Variants in TTN observed in about 807,000 individuals in gnomAD.
TTN encodes the protein titin, also known as connectin.
TTN carries 1,525 observed loss-of-function variants against 3,223.0 expected under a neutral mutation model. That is an observed-to-expected ratio of 0.47 (90% confidence interval 0.45 to 0.49). The LOEUF is 0.49. Among genes scored for constraint, TTN ranks in the 20% least tolerant of loss-of-function variants. The pLI is 0.00. For missense variants in TTN, 40,786 were observed against 43,424.0 expected, an observed-to-expected ratio of 0.94 and a Z score of 5.40; for synonymous variants, 14,094 against 15,161.0, an observed-to-expected ratio of 0.93 and a Z score of 5.17.
intron 316 of TTN, among the ~76,000 whole-genome samples, chr2:178,581,273 A>C (rs1409633595): frequency 2.6e-5 from 4 of 152,050 alleles, no homozygotes; most frequent in East Asian, 3.9e-4. Flanking sequence ...TGAAGACAGG[A>C]AATTCTTATA....
chr2:178,541,459 CTTTGCGCTCCACAA>C lies in TTN; in HGVS notation c.97604_97617del (p.Ile32535ArgfsTer12). On this transcript the variant is annotated frameshift_variant, in exon 350 of 363. Transcript: ENST00000589042. LOFTEE classifies it high-confidence loss of function. ...CGGACCCATCGATCTGCTCTCACTT[CTTTGCGCTCCACAA>C]TATATCCAGTCACTTGGGAGCCACC... The C allele has an allele frequency of 6.2e-7, 1 of 1,613,546 alleles. No homozygotes were observed. Among genetic ancestry groups the C allele is most frequent in the Non-Finnish European group, 8.5e-7 (1 of 1,179,624 alleles).
intron 47 of TTN, chr2:178,747,030 G>C: frequency 6.2e-7 from 1 of 1,613,316 alleles, no homozygotes; most frequent in Non-Finnish European, 8.5e-7. Context: ...GTGGGGTTTG[G>C]TCCTCCAGTA....
In TTN at chr2:178,528,597, A is replaced by G. The variant is rs753198736; in HGVS notation, c.107154T>C (p.Asn35718=). 2 of 1,613,068 alleles carry G rather than the reference A, an allele frequency of 1.2e-6. No homozygotes were observed. The highest frequency in any genetic ancestry group is 1.7e-6 in the Non-Finnish European group (2 of 1,179,428). ...CACTGATTTCACAAGTAAAGAGAAC[A>G]TTTTGTCCTTCATTAATATTTTGAG... ...PRSQNINEGQ[N]VLFTCEISGE... The change falls in exon 360 of 363, where the codon AAT becomes AAC. Residue 35718 remains asparagine (N), a synonymous_variant. Transcript: ENST00000589042.
rs1486693320 is a variant in TTN, at chr2:178,565,261, A to G, written c.80871T>C (p.Ser26957=). Reference sequence around the variant, plus strand: ...TGAGATTTTCTGTTGCTGTGCCTGCACTATTTGTTGCCGTTACGGTGTATT... The same window carrying G: ...TGAGATTTTCTGTTGCTGTGCCTGCGCTATTTGTTGCCGTTACGGTGTATT... ...FGKYTVTATN[S]AGTATENLSV... is the part of the protein sequence containing the mutation. The change falls in exon 326 of 363, where the codon AGT becomes AGC. Residue 26957 remains serine (S), a synonymous_variant. Transcript: ENST00000589042. 6.2e-7 allele frequency: 1 copy of G among 1,613,512 alleles called. No homozygotes were observed. The highest frequency in any genetic ancestry group is 2.2e-5 in the East Asian group (1 of 44,834).
At chr2:178,677,574 A>G (rs1402585293) in intron 146 of TTN, 47 bp downstream of exon 146, 8 of 1,540,200 alleles carry the variant, frequency 5.2e-6, no homozygotes, top group Non-Finnish European at 7.0e-6. Context: ...GGAAAGCAGA[A>G]TTCAACACAA....
intron 13 of TTN, 60 bp downstream of exon 13, chr2:178,789,300 T>C: frequency 1.3e-6 from 2 of 1,596,350 alleles, no homozygotes; most frequent in East Asian, 2.2e-5. Flanking sequence ...GAATTTCACA[T>C]GATATGTGGT....
chr2:178,604,362 C>A, intron 281 of TTN, 57 bp from the exon 282 acceptor site: 2 of 1,320,692 alleles, frequency 1.5e-6, no homozygotes, highest in East Asian at 2.7e-5. Context: ...TTGGTTTTCA[C>A]TCATTTAAAA....
chr2:178,740,388 A>G lies in TTN; in HGVS notation c.12845T>C (p.Ile4282Thr), dbSNP rs747907234. 6.2e-7 allele frequency: 1 copy of G among 1,613,340 alleles called. No individual in the cohort carries two copies. The highest frequency in any genetic ancestry group is 8.5e-7 in the Non-Finnish European group (1 of 1,179,620). Reference sequence around the variant, plus strand: ...TAGGGGCTCATAGTTTACCTGAGAGATCATGACATCAGGACTCTGGAGACT... The same window carrying G: ...TAGGGGCTCATAGTTTACCTGAGAGGTCATGACATCAGGACTCTGGAGACT... ...VESLQSPDVM[I>T]SQVNYEPLVP... The change falls in exon 48 of 363, where the codon ATC becomes ACC. Residue 4282 changes from isoleucine (I) to threonine (T), a missense_variant. By Grantham distance (89) the Ile-to-Thr change is moderately conservative. Transcript: ENST00000589042.
In TTN at chr2:178,679,638, C is replaced by T. The variant is rs1271411199; in HGVS notation, c.33625G>A (p.Val11209Ile). 1.2e-6 allele frequency: 2 copies of T among 1,611,572 alleles called. No individual in the cohort carries two copies. Among genetic ancestry groups the T allele is most frequent in the South Asian group, 1.1e-5 (1 of 90,608 alleles). The stretch of plus-strand genomic sequence containing the variant: ...GCTTCCTTCTTCTTGGGAACAGGAA[C>T]AGGTTTCTTCTCTTCTGGAACAGGT... ...RKPVPEEKKP[V>I]PVPKKKEAPP... Residue 11209 changes from valine to isoleucine, a missense_variant, in exon 141 of 363, where the codon GTT becomes ATT. Physicochemically the swap from Val to Ile is conservative, Grantham distance 29 (BLOSUM62 3). Transcript: ENST00000589042.
At position 178,772,052 on chromosome 2, in the gene TTN, A is replaced by G. The variant is rs1406498733; in HGVS notation, c.7856-581T>C. Among the ~76,000 whole-genome samples the G allele has an allele frequency of 2.6e-5, 4 of 152,284 alleles. No individual in the cohort carries two copies. In the East Asian group the frequency reaches 5.8e-4, roughly 22 times the overall value. On this transcript the variant is annotated intron_variant, in intron 33 of 362. Transcript: ENST00000589042. ...GTCCTCTCTAAATTATGAATTTCTC[A>G]AGAAAAAAATCATTTCTTATTTAGT...
rs781111844 is a variant in TTN, at chr2:178,562,066, A to G, written c.84066T>C (p.Ile28022=). 5 of 1,613,346 alleles carry G rather than the reference A, an allele frequency of 3.1e-6. No individual in the cohort carries two copies. The highest frequency in any genetic ancestry group is 4.2e-6 in the Non-Finnish European group (5 of 1,179,620). The stretch of plus-strand genomic sequence containing the variant: ...CAACATCTTCCTTTGAAGCTTCCTT[A>G]ATAGATAGTGATGTTACAGTCTTTG... ...SSSKTVTSLS[I]KEASKEDVGT... The change falls in exon 326 of 363, where the codon ATT becomes ATC. Residue 28022 remains isoleucine (I), a synonymous_variant. Coordinates refer to ENST00000589042, the MANE Select transcript of TTN (RefSeq NM_001267550.2).
At chr2:178,710,512 A>C (rs2076500567) in intron 98 of TTN, 123 bp downstream of exon 98, 1 of 1,222,596 alleles carries the variant, frequency 8.2e-7, no homozygotes. Context: ...TTCCTCTTAA[A>C]CATTTTCTTT....
Position 178,672,700 on chromosome 2 carries a change from G to T in TTN, c.34790C>A (p.Ser11597Ter). Residue 11597 changes from serine (S) to a stop codon, truncating the protein, a stop_gained, in exon 153 of 363, where the codon TCA becomes TAA. Transcript: ENST00000589042. LOFTEE classifies it high-confidence loss of function. ...TACTTTTTCCTCAGGAATTTTCTTT[G>T]ACACTTTAAAGATATTAGGTGTTTT... ...KKVEAPPAKV[S>*]KKIPEEKVPV... The T allele has an allele frequency of 1.2e-6, 2 of 1,600,836 alleles. No individual in the cohort carries two copies. Among genetic ancestry groups the T allele is most frequent in the Admixed American group, 1.7e-5 (1 of 58,048 alleles).
Position 178,566,226 on chromosome 2 carries a change from T to C in TTN, c.79906A>G (p.Lys26636Glu). ...TTTACTCCCTTTTCAATTTGGACCT[T>C]ATCTGTGAATTCACCTTCCTCTCGA... The part of the protein sequence containing the change: ...WSREEGEFTD[K>E]VQIEKGVNYT... The change falls in exon 326 of 363, where the codon AAG (lysine) becomes GAG (glutamate). Residue 26636 changes from lysine to glutamate, a missense_variant. By Grantham distance (56) the Lys-to-Glu change is moderately conservative. Transcript: ENST00000589042. 1 of 1,613,744 alleles carries C rather than the reference T, an allele frequency of 6.2e-7. No homozygotes were observed. Among genetic ancestry groups the C allele is most frequent in the East Asian group, 2.2e-5 (1 of 44,850 alleles).
chr2:178,685,591 T>C lies in TTN; in HGVS notation c.32319A>G (p.Glu10773=), dbSNP rs2070647612. 1 of 1,613,260 alleles carries C rather than the reference T, an allele frequency of 6.2e-7. No homozygotes were observed. Among genetic ancestry groups the C allele is most frequent in the Admixed American group, 1.7e-5 (1 of 59,982 alleles). ...CTTCCACAACATATTCCTCAGGCTC[T>C]TCCATCACTTTAAAGACAGCAGTTT... The part of the protein sequence containing the change: ...EAEVTEYEVM[E]EPEEYVVEEK... The change falls in exon 128 of 363, where the codon GAA becomes GAG. Residue 10773 remains glutamate, a synonymous_variant. Transcript: ENST00000589042.
chr2:178,736,387 C>G lies in TTN; in HGVS notation c.14372-313G>C, dbSNP rs544288534. 1.9e-4 allele frequency among the ~76,000 whole-genome samples: 29 copies of G among 152,222 alleles called. No homozygotes were observed. In the South Asian group the frequency reaches 5.6e-3, roughly 29 times the overall value. On this transcript the variant is annotated intron_variant, in intron 49 of 362. Coordinates refer to ENST00000589042, the MANE Select transcript of TTN (RefSeq NM_001267550.2). ...TTTAATTATTTGATAAGCTATTGAGCTGATACTTTAATTCTGCAAATTAGA... is the reference window on the plus strand; with the variant it reads ...TTTAATTATTTGATAAGCTATTGAGGTGATACTTTAATTCTGCAAATTAGA...
rs2069457790 is a variant in TTN at position 178,681,736 on chromosome 2, G to A, written c.33097C>T (p.Pro11033Ser). ...YEEHEEYITE[P>S]EKPIPVKPVP... is the part of the protein sequence containing the mutation. Reference sequence around the variant, plus strand: ...GGCTTTACAGGGATAGGCTTCTCTGGTTCTTTAAAAGTACATACAAGGTAT... The same window carrying A: ...GGCTTTACAGGGATAGGCTTCTCTGATTCTTTAAAAGTACATACAAGGTAT... The change falls in exon 136 of 363, where the codon CCA (proline) becomes TCA (serine). Residue 11033 changes from proline (P) to serine (S), a missense_variant and splice_region_variant. Coordinates refer to ENST00000589042, the MANE Select transcript of TTN (RefSeq NM_001267550.2). 6.3e-7 allele frequency: 1 copy of A among 1,590,606 alleles called. No individual in the cohort carries two copies. Among genetic ancestry groups the A allele is most frequent in the Non-Finnish European group, 8.5e-7 (1 of 1,173,926 alleles).
chr2:178,744,855 G>A lies in TTN; in HGVS notation c.11312-2934C>T, dbSNP rs547753366. The A allele has an allele frequency of 1.7e-4, 167 of 985,142 alleles. No homozygotes were observed. The African/African-American group carries it at 2.8e-3, about 17-fold the overall frequency. 61.0% of individuals were successfully genotyped at this position (985,142 alleles called of 1,614,324 possible). ...GGAGAAAAATAAGGTATCTCCAAAA[G>A]TGGAAAGATCTATTTGCTTATTTTG... On this transcript the variant is annotated intron_variant, in intron 47 of 362. Transcript: ENST00000589042.
chr2:178,607,601 A>G lies in TTN; in HGVS notation c.53087T>C (p.Val17696Ala), dbSNP rs764155048. The change falls in exon 277 of 363, where the codon GTG becomes GCG. Residue 17696 changes from valine (V) to alanine (A), a missense_variant. Val to Ala is a moderately conservative substitution (Grantham distance 64). Transcript: ENST00000589042. ...TTTTGTAGGTACAGGGCGACCAGTC[A>G]CCACAGCTGGAATTCTAAGAGTCTT... ...AGKTLRIPAV[V>A]TGRPVPTKVW... 1.2e-6 allele frequency: 2 copies of G among 1,613,130 alleles called. No homozygotes were observed. The highest frequency in any genetic ancestry group is 2.2e-5 in the South Asian group (2 of 91,068).
Sources: allele counts gnomAD v4.1 joint callset (sites outside exome capture counted in the v4.1 genomes callset), GRCh38; gene constraint gnomAD v4.1.1; transcripts MANE v1.5; gene names NCBI Gene and HGNC (gene_info 2026-07-23, HGNC 2026-07-21).